TUSC3: variants seen among roughly 807,000 people sequenced by gnomAD.
TUSC3 encodes the protein dolichyl-diphosphooligosaccharide--protein glycosyltransferase subunit TUSC3.
A neutral mutation model predicts 44.8 loss-of-function variants in TUSC3; 45 were observed. The observed-to-expected ratio is 1.00, with a 90% confidence interval of 0.79 to 1.29. The LOEUF (loss-of-function observed/expected upper bound fraction) is 1.29. Ranked by LOEUF, TUSC3 falls within the 50% of genes most tolerant of loss-of-function variation. The pLI is 0.00. For missense variants in TUSC3, 519 were observed against 437.9 expected (o/e 1.19, Z -1.65); for synonymous variants, 212 against 152.9 (o/e 1.39, Z -2.85).
At chr8:15,801,207 C>T in the TUSC3 span, among the ~76,000 whole-genome samples, 13 of 152,290 alleles carry the variant, frequency 8.5e-5, no homozygotes, top group East Asian at 1.2e-3. Context: ...GGATTACGCA[C>T]GCCTCTCCTT....
At chr8:15,606,917 T>G (rs899782501) in intron 1 of TUSC3, among the ~76,000 whole-genome samples, 5 of 149,840 alleles carry the variant, frequency 3.3e-5, no homozygotes, top group African/African-American at 1.2e-4. Context: ...TAATAAAACA[T>G]TGTGTGTGTG....
rs146216561 is a variant in TUSC3 at position 15,685,208 on chromosome 8, A to G, written c.798+11372A>G. 2.7e-3 allele frequency among the ~76,000 whole-genome samples: 408 copies of G among 151,906 alleles called. 2 individuals carry two copies. The highest frequency in any genetic ancestry group is 9.5e-3 in the African/African-American group (392 of 41,412). Reference sequence around the variant, plus strand: ...CAGAGGTCTTTGGGGGTCTTGGGAAACCTGTAGCTGGGATCCCAGAGGTAT... The same window carrying G: ...CAGAGGTCTTTGGGGGTCTTGGGAAGCCTGTAGCTGGGATCCCAGAGGTAT... On this transcript the variant is annotated intron_variant, in intron 6 of 10. Coordinates refer to ENST00000503731, the MANE Select transcript of TUSC3 (RefSeq NM_006765.4).
At chr8:15,730,873 T>C (rs911908998) in intron 7 of TUSC3, 144 bp downstream of exon 7, 8 of 719,710 alleles carry the variant, frequency 1.1e-5, no homozygotes, top group African/African-American at 8.9e-5. Flanking sequence ...TTTTATTTTT[T>C]ATGCTAATTA....
intron 5 of TUSC3, among the ~76,000 whole-genome samples, chr8:15,667,630 A>T (rs1273124264): frequency 2.6e-5 from 4 of 151,772 alleles, no homozygotes; most frequent in African/African-American, 4.8e-5. Context: ...TTATTTTCAT[A>T]TTCAGCTGAT....
intron 2 of TUSC3, among the ~76,000 whole-genome samples, chr8:15,633,809 C>A (rs1805935251): frequency 6.6e-6 from 1 of 152,168 alleles, no homozygotes; most frequent in African/African-American, 2.4e-5. Context: ...CTTCTAGCCT[C>A]CAGAACTATG....
chr8:15,790,179 CTTTTTT>C, the TUSC3 span, among the ~76,000 whole-genome samples: 1 of 72,230 alleles, frequency 1.4e-5, no homozygotes, highest in Non-Finnish European at 2.4e-5. Context: ...TTGTTAAGGC[CTTTTTT>C]TTTTTTTTTT....
rs576918416 is a variant in TUSC3, at chr8:15,668,607, A to C, written c.709-5140A>C. ...AAATGCTTTGATGAACATATGTCCA[A>C]AATCTTGGTGTCCCAAGATGGTATT... On this transcript the variant is annotated intron_variant, in intron 5 of 10. Transcript: ENST00000503731. Among the ~76,000 whole-genome samples the C allele has an allele frequency of 2.6e-5, 4 of 151,848 alleles. No individual in the cohort carries two copies. The East Asian group carries it at 5.8e-4, about 22-fold the overall frequency.
chr8:15,562,736 A>G (rs1585104083), intron 1 of TUSC3, among the ~76,000 whole-genome samples: 1 of 151,990 alleles, frequency 6.6e-6, no homozygotes, highest in Non-Finnish European at 1.5e-5. Flanking sequence ...TTTGCTGCCA[A>G]CCCCAGGTTC....
chr8:15,839,057 T>A, the TUSC3 span, among the ~76,000 whole-genome samples: 1 of 152,166 alleles, frequency 6.6e-6, no homozygotes, highest in Non-Finnish European at 1.5e-5. Context: ...GTAGTTCTCC[T>A]TGAAGAGGTC....
intron 2 of TUSC3, among the ~76,000 whole-genome samples, chr8:15,487,826 C>G (rs1172175381): frequency 6.6e-6 from 1 of 151,670 alleles, no homozygotes; most frequent in African/African-American, 2.4e-5. Context: ...TTTAAAATTT[C>G]AAAAGCAAAC....
At chr8:15,728,940 A>C (rs1254240058) in intron 6 of TUSC3, among the ~76,000 whole-genome samples, 3 of 152,152 alleles carry the variant, frequency 2.0e-5, no homozygotes, top group Non-Finnish European at 4.4e-5. Flanking sequence ...CAGATGAAGC[A>C]GATTTTTCAG....
the TUSC3 span, among the ~76,000 whole-genome samples, chr8:15,775,369 GGA>G: frequency 1.3e-5 from 2 of 151,930 alleles, no homozygotes; most frequent in Admixed American, 1.3e-4. Flanking sequence ...AAAATATTCT[GGA>G]GAGTGATGAT....
chr8:15,810,676 T>C, the TUSC3 span, among the ~76,000 whole-genome samples: 2 of 152,152 alleles, frequency 1.3e-5, no homozygotes, highest in African/African-American at 4.8e-5. Flanking sequence ...AATCAAAATA[T>C]TTTATCCCCA....
chr8:15,479,860 T>C (rs1052400426), intron 1 of TUSC3, among the ~76,000 whole-genome samples: 12 of 152,190 alleles, frequency 7.9e-5, no homozygotes, highest in African/African-American at 2.9e-4. Flanking sequence ...GAAGTCAAAC[T>C]GTCTCTGTTT....
chr8:15,702,109 C>T (rs1240410907), intron 6 of TUSC3, among the ~76,000 whole-genome samples: 3 of 152,018 alleles, frequency 2.0e-5, no homozygotes, highest in Admixed American at 6.5e-5. Context: ...GTGTGGAGAA[C>T]GAAATCAAGA....
the TUSC3 span, among the ~76,000 whole-genome samples, chr8:15,786,453 A>T: frequency 1.3e-5 from 2 of 152,236 alleles, no homozygotes; most frequent in Non-Finnish European, 2.9e-5. Context: ...AAGTACTCAA[A>T]GGACAGTAAG....
chr8:15,747,714 C>T (rs750164469), intron 8 of TUSC3, among the ~76,000 whole-genome samples: 6 of 151,950 alleles, frequency 3.9e-5, no homozygotes, highest in African/African-American at 9.7e-5. Flanking sequence ...AAACCTAGAC[C>T]GCAGCACATT....
upstream of TUSC3, chr8:15,540,220 C>G (rs1401422808): frequency 3.1e-6 from 2 of 652,656 alleles, no homozygotes; most frequent in East Asian, 3.5e-5. Context: ...GCCCCCATCC[C>G]GCGCCTTTCC....
intron 1 of TUSC3, among the ~76,000 whole-genome samples, chr8:15,473,122 C>G (rs1800517381): frequency 6.6e-6 from 1 of 152,154 alleles, no homozygotes; most frequent in Non-Finnish European, 1.5e-5. Context: ...CAAATAAGTG[C>G]TAATATAGTA....
Sources: allele counts gnomAD v4.1 joint callset (sites outside exome capture counted in the v4.1 genomes callset), GRCh38; gene constraint gnomAD v4.1.1; transcripts MANE v1.5; gene names NCBI Gene and HGNC (gene_info 2026-07-23, HGNC 2026-07-21).